C10orf143: variants seen among roughly 807,000 people sequenced by gnomAD.
The protein encoded by C10orf143 is uncharacterized protein C10orf143.
Position 130,075,988 on chromosome 10 carries a change from TTTG to T in C10orf143, c.297+3575_297+3577del, listed in dbSNP as rs1433507670. Among the ~76,000 whole-genome samples the T allele has an allele frequency of 3.2e-4, 24 of 74,146 alleles. 1 individual carries two copies. Among genetic ancestry groups the T allele is most frequent in the Non-Finnish European group, 5.0e-4 (15 of 29,854 alleles). 48.6% of individuals were successfully genotyped at this position (74,146 alleles called of 152,430 possible). On this transcript the variant is annotated intron_variant, in intron 3 of 3. Coordinates refer to ENST00000637128, the MANE Select transcript of C10orf143 (RefSeq NM_001355042.2). ...TATGTGTGTGTTTTTTGTTTGTTTG[TTTG>T]TTTTTTTTTTTGGAAATGATGGAGT... is the stretch of plus-strand genomic sequence containing the variant.
chr10:130,039,418 C>A (rs942949), intron 3 of C10orf143, among the ~76,000 whole-genome samples: 4,060 of 152,064 alleles, frequency 0.027, 169 homozygotes, highest in African/African-American at 0.093. Context: ...AAACCAGGAG[C>A]ACCAGCATCC....
rs1412016358 is a variant in C10orf143 at position 130,076,722 on chromosome 10, AT to A, written c.297+2843del. Among the ~76,000 whole-genome samples the A allele has an allele frequency of 2.6e-5, 4 of 152,030 alleles. No individual in the cohort carries two copies. In the East Asian group the frequency reaches 7.7e-4, roughly 29 times the overall value. On this transcript the variant is annotated intron_variant, in intron 3 of 3. Coordinates refer to ENST00000637128, the MANE Select transcript of C10orf143 (RefSeq NM_001355042.2). ...CTAAGGTTTCATTTAATTGCTCTGA[AT>A]TTGCAAGGAGCAGCTTCATTTCCAT...
intron 1 of C10orf143, among the ~76,000 whole-genome samples, chr10:130,096,789 G>A (rs1328688471): frequency 6.8e-6 from 1 of 147,636 alleles, no homozygotes; most frequent in Non-Finnish European, 1.5e-5. Context: ...ACCATGGCAC[G>A]TGTATACCTA....
At chr10:130,050,595 G>A (rs1860725882) in intron 3 of C10orf143, among the ~76,000 whole-genome samples, 1 of 152,122 alleles carries the variant, frequency 6.6e-6, no homozygotes, top group Non-Finnish European at 1.5e-5. Context: ...AAAATAACGG[G>A]TAGTAAGGCC....
chr10:130,038,707 T>C (rs1860572514), intron 3 of C10orf143, among the ~76,000 whole-genome samples: 1 of 152,198 alleles, frequency 6.6e-6, no homozygotes. Context: ...ATCCTTGGCC[T>C]TAGCCTCCCT....
At chr10:130,091,562 T>C (rs1861383085) in intron 1 of C10orf143, among the ~76,000 whole-genome samples, 1 of 152,252 alleles carries the variant, frequency 6.6e-6, no homozygotes, top group East Asian at 1.9e-4. Context: ...GGAGAGAGAA[T>C]GAGTTTGATG....
chr10:130,041,242 A>C (rs1860603487), intron 3 of C10orf143, among the ~76,000 whole-genome samples: 1 of 152,204 alleles, frequency 6.6e-6, no homozygotes, highest in South Asian at 2.1e-4. Flanking sequence ...GGTTTCCACA[A>C]ACCTGAACTT....
chr10:130,094,399 CA>C (rs1861431689), intron 1 of C10orf143, among the ~76,000 whole-genome samples: 1 of 152,128 alleles, frequency 6.6e-6, no homozygotes. Context: ...ATTCTGATAC[CA>C]AAATCTGGCA....
chr10:130,054,591 T>C (rs1313275151), intron 3 of C10orf143, among the ~76,000 whole-genome samples: 2 of 152,208 alleles, frequency 1.3e-5, no homozygotes, highest in Admixed American at 1.3e-4. Context: ...TCTGAGGAAC[T>C]TCCACACTGT....
chr10:130,055,900 C>T (rs138409699), intron 3 of C10orf143, among the ~76,000 whole-genome samples: 4,772 of 134,368 alleles, frequency 0.036, 247 homozygotes, highest in African/African-American at 0.13. Context: ...GAGCTGAGAT[C>T]GCATCACTGT....
At chr10:130,090,864 C>T (rs1450758294) in intron 1 of C10orf143, among the ~76,000 whole-genome samples, 1 of 152,170 alleles carries the variant, frequency 6.6e-6, no homozygotes, top group African/African-American at 2.4e-5. Flanking sequence ...GACTGCCTCT[C>T]TAGATTCCTC....
chr10:130,098,245 C>A (rs1423317294), intron 1 of C10orf143, among the ~76,000 whole-genome samples: 2 of 152,016 alleles, frequency 1.3e-5, no homozygotes, highest in Admixed American at 1.3e-4. Context: ...ATCACTTGAG[C>A]CCAGGAGGCG....
chr10:130,109,142 C>T (rs888541624), intron 1 of C10orf143, among the ~76,000 whole-genome samples: 1 of 152,178 alleles, frequency 6.6e-6, no homozygotes, highest in Non-Finnish European at 1.5e-5. Context: ...CTTGTGCAAA[C>T]CTCTGCCACT....
At chr10:130,057,005 A>G (rs867036502) in intron 3 of C10orf143, among the ~76,000 whole-genome samples, 1 of 151,268 alleles carries the variant, frequency 6.6e-6, no homozygotes, top group Non-Finnish European at 1.5e-5. Flanking sequence ...CTCCCACTTC[A>G]GTCTCACTAC....
chr10:130,045,587 G>A (rs887622587), intron 3 of C10orf143, among the ~76,000 whole-genome samples: 49 of 152,332 alleles, frequency 3.2e-4, no homozygotes, highest in Non-Finnish European at 5.3e-4. Flanking sequence ...TTCGTTCCGG[G>A]AACGTTTCTG....
chr10:130,108,426 A>T (rs1469933600), intron 1 of C10orf143: 3 of 849,602 alleles, frequency 3.5e-6, no homozygotes, highest in Non-Finnish European at 6.2e-6. Context: ...CCTGCTACGG[A>T]ACATCCAAAA....
chr10:130,054,674 C>T (rs1487084748), intron 3 of C10orf143, among the ~76,000 whole-genome samples: 1 of 152,186 alleles, frequency 6.6e-6, no homozygotes, highest in Non-Finnish European at 1.5e-5. Flanking sequence ...CACATTCTCA[C>T]CAACACTTGT....
At chr10:130,043,989 A>G (rs983264135) in intron 3 of C10orf143, among the ~76,000 whole-genome samples, 19 of 151,628 alleles carry the variant, frequency 1.3e-4, no homozygotes, top group Admixed American at 1.0e-3. Flanking sequence ...TTTGCAGACC[A>G]TGGCAGGGAG....
chr10:130,063,070 C>A (rs11017070), downstream of C10orf143, among the ~76,000 whole-genome samples: 3 of 152,164 alleles, frequency 2.0e-5, no homozygotes, highest in African/African-American at 7.2e-5. Flanking sequence ...TGGGAACTCA[C>A]GTCTGTCTGA....
Sources: allele counts gnomAD v4.1 joint callset (sites outside exome capture counted in the v4.1 genomes callset), GRCh38; gene constraint gnomAD v4.1.1; transcripts MANE v1.5; gene names NCBI Gene and HGNC (gene_info 2026-07-23, HGNC 2026-07-21).